Variants in RAB32 observed in about 807,000 individuals in gnomAD.
RAB32 encodes ras-related protein Rab-32.
Under a neutral mutation model 17.5 loss-of-function variants are expected in RAB32, and 17 were observed. That is an observed-to-expected ratio of 0.97 (90% CI 0.67 to 1.46). The LOEUF is 1.46. Among genes scored for constraint, RAB32 ranks in the 40% most tolerant of loss-of-function variants. RAB32 has a pLI of 0.00. For synonymous variants in RAB32, 115 were observed against 111.1 expected, an observed-to-expected ratio of 1.04 and a Z score of -0.22; for missense variants, 288 against 284.3, an observed-to-expected ratio of 1.01 and a Z score of -0.09.
chr6:146,554,358 A>G (rs1779933112), intron 2 of RAB32, 98 bp from the exon 3 acceptor site: 1 of 1,253,566 alleles, frequency 8.0e-7, no homozygotes, highest in Admixed American at 2.7e-5. Context: ...ACTTGCTGCC[A>G]CCTCTAACAA....
intron 1 of RAB32, among the ~76,000 whole-genome samples, chr6:146,545,144 C>A (rs532073164): frequency 6.6e-6 from 1 of 152,088 alleles, no homozygotes; most frequent in Non-Finnish European, 1.5e-5. Context: ...TCGTGCGTGC[C>A]TGTAGTCCCA....
intron 2 of RAB32, among the ~76,000 whole-genome samples, chr6:146,551,502 G>A (rs1262562181): frequency 6.6e-6 from 1 of 152,004 alleles, no homozygotes; most frequent in African/African-American, 2.4e-5. Flanking sequence ...TAGGATTACA[G>A]GCGTGTTCTT....
intron 1 of RAB32, among the ~76,000 whole-genome samples, chr6:146,548,894 G>T (rs192591521): frequency 1.1e-3 from 169 of 152,264 alleles, no homozygotes; most frequent in African/African-American, 3.8e-3. Context: ...TGTGCCTTTT[G>T]TTCTGAAACA....
intron 1 of RAB32, among the ~76,000 whole-genome samples, chr6:146,548,528 C>A (rs755730250): frequency 2.8e-4 from 43 of 152,270 alleles, no homozygotes; most frequent in Non-Finnish European, 1.0e-4. Context: ...TTCCTTCACA[C>A]TGTAGTCAGT....
chr6:146,548,681 G>T (rs1428047368), intron 1 of RAB32, among the ~76,000 whole-genome samples: 2 of 152,122 alleles, frequency 1.3e-5, no homozygotes, highest in African/African-American at 4.8e-5. Flanking sequence ...CCATTTTCCT[G>T]TTGTTACATC....
At chr6:146,546,782 GTT>G (rs962778741) in intron 1 of RAB32, among the ~76,000 whole-genome samples, 18 of 118,478 alleles carry the variant, frequency 1.5e-4, no homozygotes, top group Admixed American at 1.7e-4. Flanking sequence ...TACTAGTTAG[GTT>G]TTTTTTTTTT....
At chr6:146,551,603 A>AG (rs1302287518) in intron 2 of RAB32, among the ~76,000 whole-genome samples, 9 of 150,328 alleles carry the variant, frequency 6.0e-5, no homozygotes, top group African/African-American at 2.0e-4. Context: ...AAAAAAAAAA[A>AG]AGGGGCAGTA....
chr6:146,550,481 A>C (rs58653911), intron 2 of RAB32, among the ~76,000 whole-genome samples: 1 of 151,562 alleles, frequency 6.6e-6, no homozygotes, highest in South Asian at 2.1e-4. Context: ...ACGTGGCGAA[A>C]CCCTGTCTCT....
intron 1 of RAB32, among the ~76,000 whole-genome samples, chr6:146,547,475 A>C (rs1428694715): frequency 6.6e-6 from 1 of 152,052 alleles, no homozygotes; most frequent in Admixed American, 6.6e-5. Flanking sequence ...AGTTCATATA[A>C]ATAATATTTA....
At position 146,554,542 on chromosome 6, in the gene RAB32, T is replaced by A; in HGVS notation, c.615T>A (p.Asp205Glu). Residue 205 changes from aspartate (D) to glutamate (E), a missense_variant, in exon 3 of 3, where the codon GAT becomes GAA. Coordinates refer to ENST00000367495, the MANE Select transcript of RAB32 (RefSeq NM_006834.5). ...AAAGCTTTCCTAATGAAGAAAACGA[T>A]GTGGACAAAATTAAGCTAGATCAAG... ...NHQSFPNEEN[D>E]VDKIKLDQET... 1 of 1,613,906 alleles carries A rather than the reference T, an allele frequency of 6.2e-7. No homozygotes were observed. Among genetic ancestry groups the A allele is most frequent in the Non-Finnish European group, 8.5e-7 (1 of 1,179,860 alleles).
chr6:146,544,262 G>A (rs1052037438), intron 1 of RAB32, 141 bp downstream of exon 1: 2 of 1,181,324 alleles, frequency 1.7e-6, no homozygotes, highest in African/African-American at 3.2e-5. Flanking sequence ...CCAAGGGCGA[G>A]ATGCGATGGA....
chr6:146,554,159 G>C (rs1490870876), intron 2 of RAB32, among the ~76,000 whole-genome samples: 2 of 152,018 alleles, frequency 1.3e-5, no homozygotes, highest in Non-Finnish European at 2.9e-5. Flanking sequence ...ATGAATTGCA[G>C]CCCAGAGCAA....
chr6:146,548,755 A>G (rs1390857461), intron 1 of RAB32, among the ~76,000 whole-genome samples: 1 of 152,218 alleles, frequency 6.6e-6, no homozygotes, highest in East Asian at 1.9e-4. Flanking sequence ...TAGTAAGAGA[A>G]CGCTTTGCAA....
At chr6:146,547,002 C>T (rs1472494556) in intron 1 of RAB32, among the ~76,000 whole-genome samples, 1 of 152,124 alleles carries the variant, frequency 6.6e-6, no homozygotes, top group Non-Finnish European at 1.5e-5. Context: ...TTGAAGGAAT[C>T]TGGCTTTAAA....
chr6:146,553,004 CATGATAAAAATG>C (rs1779915452), intron 2 of RAB32, among the ~76,000 whole-genome samples: 1 of 152,082 alleles, frequency 6.6e-6, no homozygotes, highest in Non-Finnish European at 1.5e-5. Flanking sequence ...ACTAATAATC[CATGATAAAAATG>C]AACAAATGAA....
chr6:146,554,231 A>T (rs548659001), intron 2 of RAB32, among the ~76,000 whole-genome samples: 175 of 152,296 alleles, frequency 1.1e-3, no homozygotes, highest in Non-Finnish European at 2.0e-3. Context: ...TTAAGATAGG[A>T]ACATCAGAAA....
At chr6:146,548,922 T>C (rs527858544) in intron 1 of RAB32, among the ~76,000 whole-genome samples, 42 of 152,352 alleles carry the variant, frequency 2.8e-4, no homozygotes, top group Middle Eastern at 3.4e-3. Flanking sequence ...ATGTATCTAC[T>C]ACTTACAGGG....
intron 1 of RAB32, among the ~76,000 whole-genome samples, chr6:146,546,103 G>A (rs906492009): frequency 8.5e-5 from 13 of 152,106 alleles, no homozygotes; most frequent in African/African-American, 2.9e-4. Flanking sequence ...GACCTCGAAT[G>A]ACAGGAAGGG....
At chr6:146,549,893 A>C in intron 2 of RAB32, 152 bp downstream of exon 2, 4 of 885,694 alleles carry the variant, frequency 4.5e-6, no homozygotes, top group East Asian at 2.7e-5. Flanking sequence ...CTTTCAGTCC[A>C]CAACAGGACT....
Sources: allele counts gnomAD v4.1 joint callset (sites outside exome capture counted in the v4.1 genomes callset), GRCh38; gene constraint gnomAD v4.1.1; transcripts MANE v1.5; gene names NCBI Gene and HGNC (gene_info 2026-07-23, HGNC 2026-07-21).